TAB2: variants seen among roughly 807,000 people sequenced by gnomAD.
The protein encoded by TAB2 is TGF-beta-activated kinase 1 and MAP3K7-binding protein 2.
In TAB2, 3 loss-of-function variants were observed where a neutral mutation model predicts 65.0. The ratio of observed to expected loss-of-function variants is 0.05; its 90% CI spans 0.02 to 0.12. The LOEUF is 0.12. TAB2 is among the 10% of genes least tolerant of loss of function. TAB2 has a pLI of 1.00. For synonymous variants in TAB2, 298 were observed against 285.1 expected (o/e 1.05, Z -0.46); for missense variants, 623 against 840.3 (o/e 0.74, Z 3.20).
chr6:149,268,865 T>G (rs1179233054), intron 1 of TAB2, among the ~76,000 whole-genome samples: 1 of 152,222 alleles, frequency 6.6e-6, no homozygotes, highest in African/African-American at 2.4e-5. Context: ...ACAGTAGTTG[T>G]TTCCAATTCT....
chr6:149,380,553 CTT>C (rs1367220308), intron 3 of TAB2, among the ~76,000 whole-genome samples: 5 of 152,242 alleles, frequency 3.3e-5, no homozygotes, highest in African/African-American at 1.2e-4. Flanking sequence ...TATCTAACCT[CTT>C]AAGTTACATA....
intron 1 of TAB2, among the ~76,000 whole-genome samples, chr6:149,219,306 TTGTG>T (rs3064238): frequency 0.029 from 4,200 of 146,158 alleles, 195 homozygotes; most frequent in Admixed American, 0.13. Flanking sequence ...ATTTTAACAT[TTGTG>T]TGTGTGTGTG....
At chr6:149,256,221 A>G (rs1264171060) in intron 1 of TAB2, among the ~76,000 whole-genome samples, 1 of 152,254 alleles carries the variant, frequency 6.6e-6, no homozygotes, top group African/African-American at 2.4e-5. Context: ...TCATCTTAAA[A>G]TATTATATAA....
At chr6:149,236,728 G>C (rs771727058) in intron 1 of TAB2, among the ~76,000 whole-genome samples, 29 of 152,222 alleles carry the variant, frequency 1.9e-4, no homozygotes, top group Non-Finnish European at 3.8e-4. Context: ...ATCTGGCAAT[G>C]CTGCATATGT....
intron 1 of TAB2, among the ~76,000 whole-genome samples, chr6:149,346,117 GGGA>G (rs745971825): frequency 2.6e-5 from 4 of 152,306 alleles, no homozygotes; most frequent in Non-Finnish European, 5.9e-5. Context: ...GATGAAGAGA[GGGA>G]GGAAGGGGTG....
intron 1 of TAB2, among the ~76,000 whole-genome samples, chr6:149,333,707 TAG>T (rs1491105561): frequency 7.3e-5 from 8 of 109,858 alleles, no homozygotes; most frequent in African/African-American, 1.8e-4. Context: ...TCCAGATCCA[TAG>T]TGTGTGTGTG....
chr6:149,351,451 G>T (rs1780487215), intron 1 of TAB2, among the ~76,000 whole-genome samples: 1 of 152,126 alleles, frequency 6.6e-6, no homozygotes, highest in Admixed American at 6.5e-5. Flanking sequence ...TAATGCAATT[G>T]GCTTTAATTA....
chr6:149,368,080 A>G (rs376086470), intron 1 of TAB2, among the ~76,000 whole-genome samples: 1 of 152,174 alleles, frequency 6.6e-6, no homozygotes, highest in South Asian at 2.1e-4. Context: ...TTGAAAGGAA[A>G]CCATAGATCT....
Position 149,323,514 on chromosome 6 carries a change from A to G in TAB2, c.-90+5499A>G, listed in dbSNP as rs1015791552. Among the ~76,000 whole-genome samples the G allele has an allele frequency of 3.3e-4, 50 of 152,248 alleles. 1 individual carries two copies. The highest frequency in any genetic ancestry group is 3.4e-3 in the Middle Eastern group (1 of 292). ...TTAAATAGCTTGGTCGTTTACTTAC[A>G]TTTCTGTGATACAGGAAATACTGGT... is the stretch of plus-strand genomic sequence containing the variant. On this transcript the variant is annotated intron_variant, in intron 1 of 6. Coordinates refer to ENST00000637181, the MANE Select transcript of TAB2 (RefSeq NM_001292034.3).
Position 149,341,600 on chromosome 6 carries a change from A to G in TAB2, c.-90+23585A>G, listed in dbSNP as rs1015807566. Among the ~76,000 whole-genome samples the G allele has an allele frequency of 8.5e-5, 13 of 152,198 alleles. 1 individual carries two copies. The highest frequency in any genetic ancestry group is 6.5e-4 in the Admixed American group (10 of 15,284). ...ATTTCTGCAGTTTAATTTCAAAGCC[A>G]TACTGAAATCAGATCTGAACTTAGA... On this transcript the variant is annotated intron_variant, in intron 1 of 6. Transcript: ENST00000637181.
At chr6:149,377,930 T>A in intron 2 of TAB2, 88 bp from the exon 3 acceptor site, 1 of 975,962 alleles carries the variant, frequency 1.0e-6, no homozygotes, top group Non-Finnish European at 1.6e-6. Flanking sequence ...TATTAGCCAG[T>A]CACTTGGTAA....
chr6:149,270,951 G>A (rs181644314), intron 1 of TAB2, among the ~76,000 whole-genome samples: 87 of 152,298 alleles, frequency 5.7e-4, no homozygotes, highest in African/African-American at 1.8e-3. Context: ...AAACTGGGTA[G>A]TCAGAGGGTT....
At chr6:149,228,024 C>T (rs1777320608) in intron 1 of TAB2, among the ~76,000 whole-genome samples, 1 of 151,980 alleles carries the variant, frequency 6.6e-6, no homozygotes, top group African/African-American at 2.4e-5. Flanking sequence ...AAATCAGTAC[C>T]TATTATTGAG....
chr6:149,229,008 A>T (rs887273644), intron 1 of TAB2, among the ~76,000 whole-genome samples: 1 of 152,216 alleles, frequency 6.6e-6, no homozygotes, highest in Non-Finnish European at 1.5e-5. Flanking sequence ...AATGGAAAAA[A>T]GGGGGAAATA....
At chr6:149,363,900 T>C (rs182712133) in intron 1 of TAB2, among the ~76,000 whole-genome samples, 3 of 152,332 alleles carry the variant, frequency 2.0e-5, no homozygotes, top group Admixed American at 2.0e-4. Context: ...TCTCTTTGTT[T>C]GTGCTCTTTG....
intron 1 of TAB2, among the ~76,000 whole-genome samples, chr6:149,300,343 T>G (rs1246200083): frequency 4.6e-5 from 7 of 152,204 alleles, no homozygotes; most frequent in African/African-American, 7.2e-5. Flanking sequence ...GAATTGTGGG[T>G]GCGAGGTTGA....
chr6:149,327,210 G>A (rs1779645934), intron 1 of TAB2, among the ~76,000 whole-genome samples: 1 of 151,916 alleles, frequency 6.6e-6, no homozygotes, highest in Admixed American at 6.5e-5. Context: ...TTTCTATTAG[G>A]GTTGTCATCA....
intron 1 of TAB2, among the ~76,000 whole-genome samples, chr6:149,366,460 T>A (rs1409646870): frequency 2.6e-5 from 4 of 152,158 alleles, no homozygotes; most frequent in Non-Finnish European, 5.9e-5. Flanking sequence ...GCTGTTATGA[T>A]CATGCCATTG....
chr6:149,397,788 G>A (rs1398415946), intron 4 of TAB2, 24 bp downstream of exon 4: 2 of 1,611,520 alleles, frequency 1.2e-6, no homozygotes, highest in African/African-American at 2.7e-5. Flanking sequence ...TAACTGTTGT[G>A]ATCTCTGCTT....
Sources: allele counts gnomAD v4.1 joint callset (sites outside exome capture counted in the v4.1 genomes callset), GRCh38; gene constraint gnomAD v4.1.1; transcripts MANE v1.5; gene names NCBI Gene and HGNC (gene_info 2026-07-23, HGNC 2026-07-21).